Variants in MRPS6 observed in about 807,000 individuals in gnomAD.
MRPS6 encodes small ribosomal subunit protein bS6m.
MRPS6 carries 6 observed loss-of-function variants against 13.1 expected under a neutral mutation model. The ratio of observed to expected loss-of-function variants is 0.46; its 90% CI spans 0.25 to 0.91. The LOEUF (loss-of-function observed/expected upper bound fraction) is 0.91, where lower values mean the gene tolerates loss of function less well. Ranked by LOEUF, MRPS6 falls within the 40% of genes least tolerant of loss-of-function variation. The pLI, the probability that MRPS6 is intolerant of heterozygous loss-of-function variation, is 0.18. For synonymous variants in MRPS6, 61 were observed against 56.5 expected (o/e 1.08, Z -0.36); for missense variants, 164 against 155.6 (o/e 1.05, Z -0.29).
At chr21:34,095,870 C>T in intron 1 of MRPS6, 1 of 1,614,072 alleles carries the variant, frequency 6.2e-7, no homozygotes, top group East Asian at 2.2e-5. Context: ...CACCCGATGT[C>T]ACTTCCATCT....
At chr21:34,119,213 G>A (rs919508202) in intron 1 of MRPS6, among the ~76,000 whole-genome samples, 2 of 152,088 alleles carry the variant, frequency 1.3e-5, no homozygotes, top group Non-Finnish European at 2.9e-5. Context: ...TTCATAGTTG[G>A]GCTTTGCTTA....
In MRPS6 at chr21:34,096,145, C is replaced by G; in HGVS notation, c.45+22400C>G. ...CTGCCAATGTTTATCATAGTTGTCC[C>G]AGGAATGATTTCCAGGATACTGTTT... On this transcript the variant is annotated intron_variant, in intron 1 of 2. Coordinates refer to ENST00000399312, the MANE Select transcript of MRPS6 (RefSeq NM_032476.4). The surrounding 1 kb of genome is among the most constrained non-coding windows in gnomAD (Gnocchi z 5.9). 6.2e-7 allele frequency: 1 copy of G among 1,614,148 alleles called. No homozygotes were observed. The highest frequency in any genetic ancestry group is 8.5e-7 in the Non-Finnish European group (1 of 1,180,016).
chr21:34,114,652 C>A (rs1190359825), intron 1 of MRPS6, among the ~76,000 whole-genome samples: 1 of 152,124 alleles, frequency 6.6e-6, no homozygotes, highest in Non-Finnish European at 1.5e-5. Context: ...TTACCCAAAT[C>A]ATGAAAGGAA....
In MRPS6 at chr21:34,103,314, G is replaced by GT. The variant is rs1556006324; in HGVS notation, c.46-22026dup. 6 of 520,432 alleles carry GT rather than the reference G, an allele frequency of 1.2e-5. No homozygotes were observed. In the East Asian group the frequency reaches 8.4e-4, roughly 73 times the overall value. The allele number at this position is 520,432 out of a possible 1,614,324, so 32.2% of individuals were successfully genotyped here. On this transcript the variant is annotated intron_variant, in intron 1 of 2. Transcript: ENST00000399312. ...AATTTTGTCGTAACTAGTGAAGGAA[G>GT]TAAAAAAAAAAAAAAAACATGCATT...
chr21:34,079,386 G>T (rs995009890), intron 1 of MRPS6, among the ~76,000 whole-genome samples: 62 of 151,844 alleles, frequency 4.1e-4, no homozygotes, highest in African/African-American at 1.5e-3. Flanking sequence ...ATTTTTCTTG[G>T]CTTCTTATGC....
intron 1 of MRPS6, chr21:34,098,834 C>T (rs1979096242): frequency 1.0e-6 from 1 of 999,710 alleles, no homozygotes. Flanking sequence ...TCAACACTGT[C>T]CTTTGTCCTC....
At position 34,140,586 on chromosome 21, in the gene MRPS6, T is replaced by C. The variant is rs1980875531; in HGVS notation, c.186-1822T>C. Among the ~76,000 whole-genome samples, 3 of 152,362 alleles carry C rather than the reference T, an allele frequency of 2.0e-5. No homozygotes were observed. The South Asian group carries it at 6.2e-4, about 32-fold the overall frequency. ...GTCAGTTAACTCCACTTGGTTAATGTTGGTGTTCACTTTTTCTATATCCTT... is the reference window on the plus strand; with the variant it reads ...GTCAGTTAACTCCACTTGGTTAATGCTGGTGTTCACTTTTTCTATATCCTT... On this transcript the variant is annotated intron_variant, in intron 2 of 2. Transcript: ENST00000399312.
intron 1 of MRPS6, among the ~76,000 whole-genome samples, chr21:34,075,850 G>A (rs1395996309): frequency 6.6e-6 from 1 of 152,164 alleles, no homozygotes; most frequent in Non-Finnish European, 1.5e-5. Context: ...TGTTTGGGGG[G>A]AAACGAATTT....
At chr21:34,131,699 C>T (rs1038036191) in intron 2 of MRPS6, among the ~76,000 whole-genome samples, 2 of 152,144 alleles carry the variant, frequency 1.3e-5, no homozygotes, top group Non-Finnish European at 2.9e-5. Context: ...AATAGAAATG[C>T]GGGACTGTAC....
Position 34,142,608 on chromosome 21 carries a change from C to T in MRPS6, c.*8C>T, listed in dbSNP as rs779505090. 57 of 1,588,316 alleles carry T rather than the reference C, an allele frequency of 3.6e-5. No homozygotes were observed. Among genetic ancestry groups the T allele is most frequent in the Non-Finnish European group, 4.5e-5 (53 of 1,169,890 alleles). ...AAGAAGAGGAAGAAGTGAGAAGATT[C>T]GCCAGATTTTAGCCTTATATGTAAT... On this transcript the variant is annotated 3_prime_UTR_variant, in exon 3 of 3. Coordinates refer to ENST00000399312, the MANE Select transcript of MRPS6 (RefSeq NM_032476.4).
chr21:34,083,550 T>G (rs746120522), intron 1 of MRPS6, among the ~76,000 whole-genome samples: 3 of 152,224 alleles, frequency 2.0e-5, no homozygotes, highest in Non-Finnish European at 4.4e-5. Context: ...TTGACACTGT[T>G]AAGTAAGCAA....
chr21:34,079,080 T>G (rs1407653089), intron 1 of MRPS6, among the ~76,000 whole-genome samples: 1 of 152,206 alleles, frequency 6.6e-6, no homozygotes, highest in Non-Finnish European at 1.5e-5. Context: ...TTTTGTTGCT[T>G]TGAAATTAGA....
intron 1 of MRPS6, among the ~76,000 whole-genome samples, chr21:34,113,124 T>C (rs1341645414): frequency 6.6e-6 from 1 of 152,182 alleles, no homozygotes; most frequent in Non-Finnish European, 1.5e-5. Flanking sequence ...AAGGAACTGT[T>C]GCACACCGTT....
intron 2 of MRPS6, chr21:34,136,154 C>CT (rs772731433): frequency 0.038 from 5,979 of 155,994 alleles, 230 homozygotes; most frequent in South Asian, 0.11. Flanking sequence ...TTTCTTTTTT[C>CT]TTTTTTTTTT....
rs550575828 is a variant in MRPS6 at position 34,134,115 on chromosome 21, A to G, written c.186-8293A>G. 2.4e-4 allele frequency among the ~76,000 whole-genome samples: 37 copies of G among 152,370 alleles called. No individual in the cohort carries two copies. In the South Asian group the frequency reaches 6.8e-3, roughly 28 times the overall value. On this transcript the variant is annotated intron_variant, in intron 2 of 2. Transcript: ENST00000399312. Reference sequence around the variant, plus strand: ...ATCACACTATTTTAAGCTCTGTTCCAGAGCCTAACTCAAAGTAAGTAATCA... The same window carrying G: ...ATCACACTATTTTAAGCTCTGTTCCGGAGCCTAACTCAAAGTAAGTAATCA...
At chr21:34,142,220 G>A (rs1453980108) in intron 2 of MRPS6, among the ~76,000 whole-genome samples, 188 bp from the exon 3 acceptor site, 1 of 152,148 alleles carries the variant, frequency 6.6e-6, no homozygotes, top group Non-Finnish European at 1.5e-5. Flanking sequence ...GGGAGATTGG[G>A]CTTAACACTG....
At chr21:34,085,050 C>T (rs1162745073) in intron 1 of MRPS6, among the ~76,000 whole-genome samples, 1 of 152,198 alleles carries the variant, frequency 6.6e-6, no homozygotes, top group African/African-American at 2.4e-5. Context: ...GATACTACCA[C>T]CAAATATTCA....
intron 2 of MRPS6, among the ~76,000 whole-genome samples, chr21:34,138,501 A>G (rs1980784825): frequency 6.6e-6 from 1 of 152,156 alleles, no homozygotes; most frequent in African/African-American, 2.4e-5. Flanking sequence ...CAAGAAAAAA[A>G]CAACCCCATC....
intron 1 of MRPS6, among the ~76,000 whole-genome samples, chr21:34,107,942 G>A (rs1228150680): frequency 6.6e-6 from 1 of 152,160 alleles, no homozygotes; most frequent in Non-Finnish European, 1.5e-5. Flanking sequence ...GGGGTATCAT[G>A]ACTTCTGGGC....
Sources: allele counts gnomAD v4.1 joint callset (sites outside exome capture counted in the v4.1 genomes callset), GRCh38; gene constraint gnomAD v4.1.1; non-coding constraint Gnocchi (gnomAD v3.1); transcripts MANE v1.5; gene names NCBI Gene and HGNC (gene_info 2026-07-23, HGNC 2026-07-21).